RUVBL1: variants seen among roughly 807,000 people sequenced by gnomAD.
The protein encoded by RUVBL1 is RuvB like AAA ATPase 1.
Under a neutral mutation model 52.4 loss-of-function variants are expected in RUVBL1, and 4 were observed. That is an observed-to-expected ratio of 0.08 (90% CI 0.04 to 0.17). The LOEUF (loss-of-function observed/expected upper bound fraction) is 0.17, where lower values mean the gene tolerates loss of function less well. Ranked by LOEUF, RUVBL1 falls within the 10% of genes least tolerant of loss-of-function variation. The pLI is 1.00. For missense variants in RUVBL1, 298 were observed against 572.8 expected (o/e 0.52, Z 4.90); for synonymous variants, 217 against 214.4 (o/e 1.01, Z -0.10).
exon 1 of RUVBL1, chr3:128,153,563 GC>G (rs1944294296): frequency 2.0e-6 from 3 of 1,535,882 alleles, no homozygotes; most frequent in Non-Finnish European, 2.6e-6. Context: ...ATCGACAGCG[GC>G]AAGACGGCGC....
chr3:128,123,795 T>A lies in RUVBL1; in HGVS notation c.-71A>T, dbSNP rs1430551735. Reference sequence around the variant, plus strand: ...AGGACAGTGCGCCCGGCGCCTGAGTTACCATGCGGCCGTTACTAGGGCAAT... The same window carrying A: ...AGGACAGTGCGCCCGGCGCCTGAGTAACCATGCGGCCGTTACTAGGGCAAT... On this transcript the variant is annotated 5_prime_UTR_variant, in exon 1 of 11. Transcript: ENST00000322623. 6.7e-7 allele frequency: 1 copy of A among 1,501,528 alleles called. No homozygotes were observed. The allele number at this position is 1,501,528 out of a possible 1,614,324, so 93.0% of individuals were successfully genotyped here.
Position 128,081,171 on chromosome 3 carries a change from C to T in RUVBL1, c.*79G>A. On this transcript the variant is annotated 3_prime_UTR_variant, in exon 11 of 11. Transcript: ENST00000322623. This position sits in a 1 kb window ranked among gnomAD's most constrained non-coding sequence, Gnocchi z 4.8. ...CCTGAGTGGGGACGGCAGCCCCAAG[C>T]CCAGGGGCAAGCGCCCACAGGCTGG... 1 of 1,499,532 alleles carries T rather than the reference C, an allele frequency of 6.7e-7. No homozygotes were observed. The highest frequency in any genetic ancestry group is 9.1e-7 in the Non-Finnish European group (1 of 1,097,120). 92.9% of individuals were successfully genotyped at this position (1,499,532 alleles called of 1,614,324 possible).
intron 9 of RUVBL1, chr3:128,084,571 C>T (rs1447201229): frequency 6.6e-6 from 1 of 152,170 alleles, no homozygotes; most frequent in Non-Finnish European, 1.5e-5. Flanking sequence ...GGCTCAGCTT[C>T]CAGAATGTCA....
intron 9 of RUVBL1, among the ~76,000 whole-genome samples, chr3:128,072,275 G>C (rs1340229628): frequency 6.6e-6 from 1 of 152,198 alleles, no homozygotes; most frequent in South Asian, 2.1e-4. Flanking sequence ...CCCCAAACCT[G>C]CCGCCGTCCC....
In RUVBL1 at chr3:128,082,936, G is replaced by T. The variant is rs1481750529; in HGVS notation, c.1120-362C>A. The T allele has an allele frequency of 1.1e-5, 2 of 179,748 alleles. No homozygotes were observed. Among genetic ancestry groups the T allele is most frequent in the Admixed American group, 1.1e-4 (2 of 18,190 alleles). 11.1% of individuals were successfully genotyped at this position (179,748 alleles called of 1,614,324 possible). A position where few individuals can be genotyped will look rare whatever the true frequency, so the allele number is the denominator to read the frequency against. ...TGGGGCCTCTTCTAACCTACCCGGG[G>T]CTCCTGCAAGGGCTCTAACCTTCCT... On this transcript the variant is annotated intron_variant, in intron 9 of 10. Transcript: ENST00000322623. This position sits in a 1 kb window ranked among gnomAD's most constrained non-coding sequence, Gnocchi z 4.7.
intron 9 of RUVBL1, 120 bp downstream of exon 9, chr3:128,087,586 C>CT (rs1415350894): frequency 4.4e-6 from 3 of 682,284 alleles, no homozygotes; most frequent in Non-Finnish European, 7.6e-6. Context: ...AGGCCAGTAG[C>CT]TAAGTGGTGA....
intron 9 of RUVBL1, among the ~76,000 whole-genome samples, chr3:128,066,455 TTG>T (rs1404264131): frequency 6.6e-6 from 1 of 152,136 alleles, no homozygotes; most frequent in Admixed American, 6.5e-5. Context: ...CAGGGTCTCG[TTG>T]TGTTGCTTAG....
intron 9 of RUVBL1, chr3:128,068,077 G>T (rs1559799383): frequency 6.2e-7 from 1 of 1,605,634 alleles, no homozygotes. Context: ...GTGGCCCCAG[G>T]TCCCCAACCT....
At chr3:128,072,092 G>A (rs11721281) in intron 9 of RUVBL1, among the ~76,000 whole-genome samples, 35,156 of 152,188 alleles carry the variant, frequency 0.23, 4,134 homozygotes, top group South Asian at 0.27. Context: ...TGGTTGTGAG[G>A]CTGGCCTCAG....
intron 1 of RUVBL1, among the ~76,000 whole-genome samples, chr3:128,140,046 A>G (rs1351008349): frequency 1.3e-5 from 2 of 152,128 alleles, no homozygotes; most frequent in African/African-American, 4.8e-5. Context: ...TGTTTGTAAC[A>G]CAAATAAATT....
chr3:128,099,351 C>T (rs1174642461), intron 6 of RUVBL1, among the ~76,000 whole-genome samples: 1 of 152,228 alleles, frequency 6.6e-6, no homozygotes, highest in Non-Finnish European at 1.5e-5. Context: ...AAGTTCACGT[C>T]AAATGCCCTC....
intron 9 of RUVBL1, among the ~76,000 whole-genome samples, chr3:128,085,981 A>T (rs1576443501): frequency 6.6e-6 from 1 of 152,196 alleles, no homozygotes; most frequent in East Asian, 1.9e-4. Flanking sequence ...AACTTGGGCG[A>T]ATTAGTTACC....
Position 128,067,342 on chromosome 3 carries a change from T to A in RUVBL1, c.940-2122A>T, listed in dbSNP as rs1021576869. 6.8e-7 allele frequency: 1 copy of A among 1,463,136 alleles called. No individual in the cohort carries two copies. Among genetic ancestry groups the A allele is most frequent in the Non-Finnish European group, 9.3e-7 (1 of 1,075,310 alleles). The allele number at this position is 1,463,136 out of a possible 1,614,324, so 90.6% of individuals were successfully genotyped here. ...CACCGAGTAAAATTGCATTCTTTCA[T>A]CTGCTCAGAACTATTTTTGCCTTGA... On this transcript the variant is annotated intron_variant, in intron 9 of 9. Coordinates refer to the RUVBL1 transcript ENST00000464873. The surrounding 1 kb of genome is among the most constrained non-coding windows in gnomAD (Gnocchi z 4.1).
intron 9 of RUVBL1, chr3:128,066,943 T>C: frequency 1.9e-6 from 3 of 1,614,108 alleles, no homozygotes; most frequent in Non-Finnish European, 2.5e-6. Flanking sequence ...TGGTTCTGTT[T>C]GGCTTCTCAG....
intron 3 of RUVBL1, among the ~76,000 whole-genome samples, chr3:128,106,492 C>G (rs1943242728): frequency 6.6e-6 from 1 of 151,870 alleles, no homozygotes. Context: ...CTTCCTCATC[C>G]TCCAAATTGT....
At chr3:128,131,501 A>G (rs1331612205) in intron 1 of RUVBL1, among the ~76,000 whole-genome samples, 1 of 149,368 alleles carries the variant, frequency 6.7e-6, no homozygotes, top group Non-Finnish European at 1.5e-5. Context: ...AAACAAACAA[A>G]CAAACACTGT....
rs1458640917 is a variant in RUVBL1, at chr3:128,100,828, C to T, written c.604-84G>A. On this transcript the variant is annotated intron_variant, in intron 5 of 10. Coordinates refer to ENST00000322623, the MANE Select transcript of RUVBL1 (RefSeq NM_003707.3). Reference sequence around the variant, plus strand: ...GCACAGGGCTAAGTGAGATAAAGGTCTCAGTTCCCACTGCAGGCCTGACAG... The same window carrying T: ...GCACAGGGCTAAGTGAGATAAAGGTTTCAGTTCCCACTGCAGGCCTGACAG... 40 of 1,517,454 alleles carry T rather than the reference C, an allele frequency of 2.6e-5. 1 individual carries two copies. The highest frequency in any genetic ancestry group is 3.6e-5 in the Non-Finnish European group (40 of 1,111,762). 94.0% of individuals were successfully genotyped at this position (1,517,454 alleles called of 1,614,324 possible).
At position 128,067,136 on chromosome 3, in the gene RUVBL1, G is replaced by C. The variant is rs149610346; in HGVS notation, c.940-1916C>G. The C allele has an allele frequency of 7.4e-6, 12 of 1,614,218 alleles. No homozygotes were observed. The highest frequency in any genetic ancestry group is 1.6e-4 in the Middle Eastern group (1 of 6,062). ...TCAGTGGCAACTTGCTGGTCAGCCT[G>C]CTGGGCACCTGGTCGGTAAGTAGGC... On this transcript the variant is annotated intron_variant, in intron 9 of 9. Coordinates refer to the RUVBL1 transcript ENST00000464873. This position sits in a 1 kb window ranked among gnomAD's most constrained non-coding sequence, Gnocchi z 4.1.
intron 2 of RUVBL1, among the ~76,000 whole-genome samples, chr3:128,114,708 A>T (rs776073622): frequency 3.2e-4 from 49 of 152,164 alleles, no homozygotes; most frequent in Non-Finnish European, 1.2e-4. Flanking sequence ...CTCAAGGCTG[A>T]CACCTTGAAA....
Sources: allele counts gnomAD v4.1 joint callset (sites outside exome capture counted in the v4.1 genomes callset), GRCh38; gene constraint gnomAD v4.1.1; non-coding constraint Gnocchi (gnomAD v3.1); transcripts MANE v1.5; gene names NCBI Gene and HGNC (gene_info 2026-07-23, HGNC 2026-07-21).